The following SLC25A4 variants were observed in gnomAD, a reference collection of about 807,000 sequenced individuals.
SLC25A4 encodes solute carrier family 25 member 4, also known as ADP/ATP translocase 1.
Under a neutral mutation model 24.7 loss-of-function variants are expected in SLC25A4, and 10 were observed. That is an observed-to-expected ratio of 0.41 (90% CI 0.25 to 0.69). The LOEUF (loss-of-function observed/expected upper bound fraction) is 0.69. Among genes scored for constraint, SLC25A4 ranks in the 30% least tolerant of loss-of-function variants. SLC25A4 has a pLI of 0.35. For missense variants in SLC25A4, 273 were observed against 387.6 expected (o/e 0.70, Z 2.48); for synonymous variants, 125 against 153.3 (o/e 0.82, Z 1.36).
intron 1 of SLC25A4, 25 bp downstream of exon 1, chr4:185,143,508 C>G (rs566595411): frequency 9.2e-7 from 1 of 1,083,542 alleles, no homozygotes; most frequent in Non-Finnish European, 1.2e-6. Flanking sequence ...GTGCAAGAGG[C>G]GGGCGCGGGC....
chr4:185,144,700 C>G, intron 1 of SLC25A4, 64 bp from the exon 2 acceptor site: 1 of 1,351,404 alleles, frequency 7.4e-7, no homozygotes, highest in Admixed American at 2.1e-5. Context: ...CTTTTTTTTT[C>G]TCCTGTCCTC....
Position 185,145,423 on chromosome 4 carries a change from G to A in SLC25A4, c.598+173G>A. Reference sequence around the variant, plus strand: ...TAAGTTAATAGCTGAAGCGTTCCTTGTGTCCTCTACTGAAATAAACTCTGG... The same window carrying A: ...TAAGTTAATAGCTGAAGCGTTCCTTATGTCCTCTACTGAAATAAACTCTGG... On this transcript the variant is annotated intron_variant, in intron 2 of 3. Transcript: ENST00000281456. This position sits in a 1 kb window ranked among gnomAD's most constrained non-coding sequence, Gnocchi z 5.5. 1 of 973,726 alleles carries A rather than the reference G, an allele frequency of 1.0e-6. No individual in the cohort carries two copies. The highest frequency in any genetic ancestry group is 1.5e-6 in the Non-Finnish European group (1 of 659,426). The allele number at this position is 973,726 out of a possible 1,614,324, so 60.3% of individuals were successfully genotyped here.
Position 185,148,200 on chromosome 4 carries a change from AG to A in SLC25A4, c.*1230del, listed in dbSNP as rs1734477639. On this transcript the variant is annotated 3_prime_UTR_variant, in exon 4 of 4. Coordinates refer to ENST00000281456, the MANE Select transcript of SLC25A4 (RefSeq NM_001151.4). ...CCTTACATGGCAGAAAGAGCGACAG[AG>A]CTCTCTGTAGTCCCTTTTATAAGCT... The A allele has an allele frequency of 6.6e-6, 1 of 152,056 alleles. No homozygotes were observed. The highest frequency in any genetic ancestry group is 6.6e-5 in the Admixed American group (1 of 15,254). 9.4% of individuals were successfully genotyped at this position (152,056 alleles called of 1,614,324 possible).
In SLC25A4 at chr4:185,149,445, G is replaced by A. The variant is rs879382399; in HGVS notation, c.*2474G>A. On this transcript the variant is annotated 3_prime_UTR_variant, in exon 4 of 4. Transcript: ENST00000281456. ...CCAGATGTCAGCCCTTCCGCTTCCTGCGAAGGTTACCTCTAATGCACGTTG... is the reference window on the plus strand; with the variant it reads ...CCAGATGTCAGCCCTTCCGCTTCCTACGAAGGTTACCTCTAATGCACGTTG... 10 of 152,288 alleles carry A rather than the reference G, an allele frequency of 6.6e-5. No homozygotes were observed. The highest frequency in any genetic ancestry group is 1.5e-4 in the Non-Finnish European group (10 of 68,114). The allele number at this position is 152,288 out of a possible 1,614,324, so 9.4% of individuals were successfully genotyped here. A position where few individuals can be genotyped will look rare whatever the true frequency, so the allele number is the denominator to read the frequency against.
chr4:185,144,691 T>TG, intron 1 of SLC25A4, 73 bp from the exon 2 acceptor site: 1 of 1,381,824 alleles, frequency 7.2e-7, no homozygotes. Context: ...AGTGCAAACC[T>TG]TTTTTTTTCT....
Position 185,144,928 on chromosome 4 carries a change from G to A in SLC25A4, c.276G>A (p.Lys92=), listed in dbSNP as rs1734410564. 6 of 1,614,226 alleles carry A rather than the reference G, an allele frequency of 3.7e-6. No individual in the cohort carries two copies. Among genetic ancestry groups the A allele is most frequent in the Middle Eastern group, 1.6e-4 (1 of 6,062 alleles). Residue 92 remains lysine (K), a synonymous_variant, in exon 2 of 4, where the codon AAG becomes AAA. Transcript: ENST00000281456. ...FPTQALNFAF[K]DKYKQLFLGG... is the part of the protein sequence containing the mutation. ...CCCAAGCTCTCAACTTCGCCTTCAAGGACAAGTACAAGCAGCTCTTCTTAG... is the reference window on the plus strand; with the variant it reads ...CCCAAGCTCTCAACTTCGCCTTCAAAGACAAGTACAAGCAGCTCTTCTTAG...
Position 185,143,414 on chromosome 4 carries a change from CG to C in SLC25A4, c.47del (p.Gly16AlafsTer44). The C allele has an allele frequency of 3.9e-6, 6 of 1,526,108 alleles. No individual in the cohort carries two copies. The highest frequency in any genetic ancestry group is 1.7e-4 in the Middle Eastern group (1 of 5,804). The allele number at this position is 1,526,108 out of a possible 1,614,324, so 94.5% of individuals were successfully genotyped here. A position where few individuals can be genotyped will look rare whatever the true frequency, so the allele number is the denominator to read the frequency against. On this transcript the variant is annotated frameshift_variant, in exon 1 of 4. Transcript: ENST00000281456. LOFTEE classifies it high-confidence loss of function. ...AWSFLKDFLA[G>X]GVAAAVSKTA... ...GGAGCTTCCTAAAGGACTTCCTGGC[CG>C]GGGGCGTCGCCGCTGCCGTCTCCAA...
chr4:185,145,562 A>G lies in SLC25A4; in HGVS notation c.599-197A>G. On this transcript the variant is annotated intron_variant, in intron 2 of 3. Transcript: ENST00000281456. The surrounding 1 kb of genome is among the most constrained non-coding windows in gnomAD (Gnocchi z 5.5). ...CCAATGCCCTGTATACAAGCTGAGC[A>G]CTGCCCCTCCGGGGTCCGGAGAGGG... The G allele has an allele frequency of 1.4e-6, 1 of 692,268 alleles. No homozygotes were observed. Among genetic ancestry groups the G allele is most frequent in the Non-Finnish European group, 2.4e-6 (1 of 418,804 alleles). The allele number at this position is 692,268 out of a possible 1,614,324, so 42.9% of individuals were successfully genotyped here. A position where few individuals can be genotyped will look rare whatever the true frequency, so the allele number is the denominator to read the frequency against.
intron 1 of SLC25A4, among the ~76,000 whole-genome samples, chr4:185,144,186 C>T (rs544529658): frequency 2.0e-5 from 3 of 152,214 alleles, no homozygotes; most frequent in Non-Finnish European, 2.9e-5. Context: ...CAACAAAACC[C>T]CCACAAATTG....
chr4:185,143,542 G>C, intron 1 of SLC25A4, 59 bp downstream of exon 1: 1 of 662,066 alleles, frequency 1.5e-6, no homozygotes, highest in Non-Finnish European at 2.0e-6. Context: ...CGGGGCGCGC[G>C]ATGCGGCGCG....
intron 3 of SLC25A4, 121 bp from the exon 4 acceptor site, chr4:185,146,693 G>A: frequency 1.8e-6 from 2 of 1,088,222 alleles, no homozygotes; most frequent in South Asian, 1.3e-5. Flanking sequence ...ATGGAGCTGG[G>A]ACTCCATGCC....
chr4:185,143,267 G>T lies in SLC25A4; in HGVS notation c.-106G>T. On this transcript the variant is annotated 5_prime_UTR_variant, in exon 1 of 4. Coordinates refer to ENST00000281456, the MANE Select transcript of SLC25A4 (RefSeq NM_001151.4). Reference sequence around the variant, plus strand: ...AGGGGGAGCTGCGGGCCAGGCGGCGGCCCCCTAGCGTCGCGCAGGGTCGGG... The same window carrying T: ...AGGGGGAGCTGCGGGCCAGGCGGCGTCCCCCTAGCGTCGCGCAGGGTCGGG... The T allele has an allele frequency of 1.7e-6, 1 of 587,996 alleles. No homozygotes were observed. Among genetic ancestry groups the T allele is most frequent in the Non-Finnish European group, 3.1e-6 (1 of 327,060 alleles). The allele number at this position is 587,996 out of a possible 1,614,324, so 36.4% of individuals were successfully genotyped here.
chr4:185,145,202 A>C lies in SLC25A4; in HGVS notation c.550A>C (p.Ile184Leu). The change falls in exon 2 of 4, where the codon ATC becomes CTC. Residue 184 changes from isoleucine (I) to leucine (L), a missense_variant. Ile to Leu is a conservative substitution (Grantham distance 5). Transcript: ENST00000281456. The surrounding 1 kb of genome is among the most constrained non-coding windows in gnomAD (Gnocchi z 5.5). ...GGGTTTCAACGTCTCTGTCCAAGGC[A>C]TCATTATCTATAGAGCTGCCTACTT... ...YQGFNVSVQGIIIYRAAYFGV... is the reference protein window; with the variant it reads ...YQGFNVSVQGLIIYRAAYFGV... 6.2e-7 allele frequency: 1 copy of C among 1,614,132 alleles called. No homozygotes were observed. Among genetic ancestry groups the C allele is most frequent in the Non-Finnish European group, 8.5e-7 (1 of 1,180,024 alleles).
At position 185,148,294 on chromosome 4, in the gene SLC25A4, C is replaced by T. The variant is rs1264174037; in HGVS notation, c.*1323C>T. The T allele has an allele frequency of 6.6e-6, 1 of 152,196 alleles. No individual in the cohort carries two copies. The highest frequency in any genetic ancestry group is 2.4e-5 in the African/African-American group (1 of 41,436). The allele number at this position is 152,196 out of a possible 1,614,324, so 9.4% of individuals were successfully genotyped here. On this transcript the variant is annotated 3_prime_UTR_variant, in exon 4 of 4. Transcript: ENST00000281456. Reference sequence around the variant, plus strand: ...ACCTCCCAAATGCCCCTCCTCCAAACACCACCACTTTGGGGGTTAAGATTT... The same window carrying T: ...ACCTCCCAAATGCCCCTCCTCCAAATACCACCACTTTGGGGGTTAAGATTT...
chr4:185,147,673 TAG>T lies in SLC25A4; in HGVS notation c.*707_*708del, dbSNP rs148316877. On this transcript the variant is annotated 3_prime_UTR_variant, in exon 4 of 4. Transcript: ENST00000281456. The stretch of plus-strand genomic sequence containing the variant: ...GTGACACCTAGAATTTTATGTTAAG[TAG>T]AGAGTATTCATTGAAAATCAAGGCC... 18 of 152,402 alleles carry T rather than the reference TAG, an allele frequency of 1.2e-4. No individual in the cohort carries two copies. The highest frequency in any genetic ancestry group is 2.1e-4 in the Non-Finnish European group (14 of 68,164). The allele number at this position is 152,402 out of a possible 1,614,324, so 9.4% of individuals were successfully genotyped here.
Position 185,147,233 on chromosome 4 carries a change from T to C in SLC25A4, c.*262T>C. The C allele has an allele frequency of 2.5e-6, 1 of 401,292 alleles. No individual in the cohort carries two copies. Among genetic ancestry groups the C allele is most frequent in the Non-Finnish European group, 4.5e-6 (1 of 221,396 alleles). The allele number at this position is 401,292 out of a possible 1,614,324, so 24.9% of individuals were successfully genotyped here. The stretch of plus-strand genomic sequence containing the variant: ...GTACAATTAACTGAAGAATTGATAA[T>C]AACTGAATGTGAAACATCAATAAAG... On this transcript the variant is annotated 3_prime_UTR_variant, in exon 4 of 4. Coordinates refer to ENST00000281456, the MANE Select transcript of SLC25A4 (RefSeq NM_001151.4).
In SLC25A4 at chr4:185,145,693, CCTCCA is replaced by C; in HGVS notation, c.599-64_599-60del. 6.3e-7 allele frequency: 1 copy of C among 1,599,108 alleles called. No homozygotes were observed. Among genetic ancestry groups the C allele is most frequent in the Non-Finnish European group, 8.6e-7 (1 of 1,168,148 alleles). ...AGCTGGAGGTGCAGTGGCCTCTCTC[CCTCCA>C]CCTGCTTTCTGCTGAGAACAGGCAC... is the stretch of plus-strand genomic sequence containing the variant. On this transcript the variant is annotated intron_variant, in intron 2 of 3. Transcript: ENST00000281456. The surrounding 1 kb of genome is among the most constrained non-coding windows in gnomAD (Gnocchi z 5.5).
intron 1 of SLC25A4, among the ~76,000 whole-genome samples, chr4:185,143,833 C>G (rs569565374): frequency 5.9e-5 from 9 of 152,128 alleles, no homozygotes; most frequent in Admixed American, 1.3e-4. Context: ...ATTTTTGGCA[C>G]CGTCTTATGC....
Position 185,145,957 on chromosome 4 carries a change from AC to A in SLC25A4, c.739+59del. On this transcript the variant is annotated intron_variant, in intron 3 of 3. Transcript: ENST00000281456. This position sits in a 1 kb window ranked among gnomAD's most constrained non-coding sequence, Gnocchi z 5.5. ...TGGTTTTGCCCGAGGAGAACATTTT[AC>A]AGGGCTCCTTTCAGTCTTCCTTACT... is the stretch of plus-strand genomic sequence containing the variant. The A allele has an allele frequency of 6.3e-7, 1 of 1,594,720 alleles. No individual in the cohort carries two copies. The highest frequency in any genetic ancestry group is 8.6e-7 in the Non-Finnish European group (1 of 1,164,934).
Sources: allele counts gnomAD v4.1 joint callset (sites outside exome capture counted in the v4.1 genomes callset), GRCh38; gene constraint gnomAD v4.1.1; non-coding constraint Gnocchi (gnomAD v3.1); transcripts MANE v1.5; gene names NCBI Gene and HGNC (gene_info 2026-07-23, HGNC 2026-07-21).